Variants in MALRD1 observed in about 807,000 individuals in gnomAD.
MALRD1 encodes the protein MAM and LDL receptor class A domain containing 1.
Under a neutral mutation model 242.1 loss-of-function variants are expected in MALRD1, and 247 were observed. That is an observed-to-expected ratio of 1.02 (90% CI 0.92 to 1.13). The LOEUF (loss-of-function observed/expected upper bound fraction) is 1.13. MALRD1 is among the 50% of genes most tolerant of loss of function. The pLI is 0.00. For synonymous variants in MALRD1, 995 were observed against 866.6 expected, an observed-to-expected ratio of 1.15 and a Z score of -2.60; for missense variants, 2,989 against 2,533.1, an observed-to-expected ratio of 1.18 and a Z score of -3.86.
intron 31 of MALRD1, among the ~76,000 whole-genome samples, chr10:19,520,508 C>G (rs1833831213): frequency 6.6e-6 from 1 of 152,124 alleles, no homozygotes; most frequent in East Asian, 1.9e-4. Context: ...CATACAATAC[C>G]ATCAAAAAAG....
chr10:19,690,832 G>A (rs1237309329), intron 36 of MALRD1, among the ~76,000 whole-genome samples: 1 of 151,966 alleles, frequency 6.6e-6, no homozygotes, highest in African/African-American at 2.4e-5. Flanking sequence ...TAGATAGACA[G>A]ACAGACAGCA....
intron 21 of MALRD1, among the ~76,000 whole-genome samples, chr10:19,317,382 A>G (rs1340650674): frequency 1.3e-5 from 2 of 151,658 alleles, no homozygotes. Flanking sequence ...CAGTGGCCCC[A>G]CTCCTTAATA....
intron 18 of MALRD1, among the ~76,000 whole-genome samples, chr10:19,213,054 G>C (rs1837143615): frequency 6.6e-6 from 1 of 152,002 alleles, no homozygotes; most frequent in Non-Finnish European, 1.5e-5. Flanking sequence ...TCTCTTAATA[G>C]ATTCTTTTGA....
chr10:19,441,789 G>A (rs998536381), intron 28 of MALRD1, among the ~76,000 whole-genome samples: 1 of 150,478 alleles, frequency 6.6e-6, no homozygotes, highest in South Asian at 2.1e-4. Context: ...TTGTTCTTTC[G>A]GCTTAGGATT....
At position 19,564,141 on chromosome 10, in the gene MALRD1, T is replaced by C. The variant is rs977920813; in HGVS notation, c.5479-3361T>C. Among the ~76,000 whole-genome samples, 3 of 152,168 alleles carry C rather than the reference T, an allele frequency of 2.0e-5. No homozygotes were observed. The South Asian group carries it at 6.2e-4, about 32-fold the overall frequency. The stretch of plus-strand genomic sequence containing the variant: ...AGTCTCAGGTATTCCTTTATAGAAA[T>C]GCATGCATGGCTTAATACACCATCT... On this transcript the variant is annotated intron_variant, in intron 32 of 39. Coordinates refer to ENST00000454679, the MANE Select transcript of MALRD1 (RefSeq NM_001142308.3).
chr10:19,478,876 C>G (rs1017465420), intron 29 of MALRD1, among the ~76,000 whole-genome samples: 3 of 152,192 alleles, frequency 2.0e-5, no homozygotes, highest in Non-Finnish European at 4.4e-5. Context: ...GAATGATTTT[C>G]AATGGTTGAG....
chr10:19,376,847 GATA>G (rs1845630457), intron 26 of MALRD1, among the ~76,000 whole-genome samples: 1 of 152,000 alleles, frequency 6.6e-6, no homozygotes, highest in South Asian at 2.1e-4. Context: ...CCTGAGTGCT[GATA>G]CATTATTCTA....
Position 19,595,299 on chromosome 10 carries a change from G to A in MALRD1, c.5786G>A (p.Cys1929Tyr). ...GGGAAATGTGATGGACATGAAGACT[G>A]CATAGATGGATCTGATGAAATGGAT... ...LSGKCDGHED[C>Y]IDGSDEMDCP... Residue 1929 changes from cysteine to tyrosine, a missense_variant, in exon 34 of 40, where the codon TGC becomes TAC. Physicochemically the swap from Cys to Tyr is radical, Grantham distance 194. Transcript: ENST00000454679. 1 of 1,550,818 alleles carries A rather than the reference G, an allele frequency of 6.4e-7. No individual in the cohort carries two copies. Among genetic ancestry groups the A allele is most frequent in the African/African-American group, 1.4e-5 (1 of 73,142 alleles).
At chr10:19,530,365 A>AAATATTATAGAAATATAT (rs1564417011) in intron 31 of MALRD1, among the ~76,000 whole-genome samples, 3 of 105,090 alleles carry the variant, frequency 2.9e-5, no homozygotes, top group African/African-American at 1.9e-4. Flanking sequence ...ATATTTATAT[A>AAATATTATAGAAATATAT]AATATTTATA....
At chr10:19,088,360 C>A (rs916097420) in intron 4 of MALRD1, among the ~76,000 whole-genome samples, 175 bp downstream of exon 4, 1 of 151,778 alleles carries the variant, frequency 6.6e-6, no homozygotes, top group Admixed American at 6.6e-5. Flanking sequence ...GGCTAGTCAC[C>A]CTAAAAGACA....
chr10:19,067,809 C>T (rs991405906), intron 2 of MALRD1, among the ~76,000 whole-genome samples: 10 of 152,042 alleles, frequency 6.6e-5, no homozygotes, highest in Non-Finnish European at 1.0e-4. Context: ...AAACCTGGCA[C>T]TCAAAAATTG....
chr10:19,369,711 T>TAC lies in MALRD1; in HGVS notation c.4441+17430_4441+17431dup, dbSNP rs111861411. The stretch of plus-strand genomic sequence containing the variant: ...ACACATATATTTAAATATATATAAG[T>TAC]ACACACACACACACACATATTCCTC... On this transcript the variant is annotated intron_variant, in intron 26 of 39. Coordinates refer to ENST00000454679, the MANE Select transcript of MALRD1 (RefSeq NM_001142308.3). Among the ~76,000 whole-genome samples, 221 of 149,532 alleles carry TAC rather than the reference T, an allele frequency of 1.5e-3. 1 individual carries two copies. Among genetic ancestry groups the TAC allele is most frequent in the South Asian group, 6.6e-3 (31 of 4,730 alleles).
At chr10:19,257,807 A>C (rs1467478306) in intron 19 of MALRD1, 36 bp downstream of exon 19, 2 of 1,344,340 alleles carry the variant, frequency 1.5e-6, no homozygotes, top group Non-Finnish European at 2.0e-6. Context: ...GTTATTTCTA[A>C]ATCTGTTTAC....
intron 2 of MALRD1, among the ~76,000 whole-genome samples, chr10:19,076,004 C>G (rs1384142238): frequency 6.6e-6 from 1 of 151,998 alleles, no homozygotes; most frequent in Non-Finnish European, 1.5e-5. Context: ...GTCTGGAGAC[C>G]TGGATTCCCC....
At chr10:19,291,213 A>G (rs1841408061) in intron 21 of MALRD1, among the ~76,000 whole-genome samples, 2 of 152,166 alleles carry the variant, frequency 1.3e-5, no homozygotes, top group Admixed American at 6.5e-5. Context: ...CACTTCATTC[A>G]TGTGAAATGA....
rs56317633 is a variant in MALRD1 at position 19,692,298 on chromosome 10, A to C, written c.6154A>C (p.Lys2052Gln). 6.6e-4 allele frequency: 1,007 copies of C among 1,535,054 alleles called. 10 individuals carry two copies. In the African/African-American group the frequency reaches 0.013, roughly 19 times the overall value. ...CCTTTCCAGATGTAGACAAGGCTGG[A>C]AAGGAAATCGATGCCATATCAAGTT... ...GPMCRCRQGWKGNRCHIKFNP... is the reference protein window; with the variant it reads ...GPMCRCRQGWQGNRCHIKFNP... The change falls in exon 37 of 40, where the codon AAA becomes CAA. Residue 2052 changes from lysine (K) to glutamine (Q), a missense_variant. Physicochemically the swap from Lys to Gln is moderately conservative, Grantham distance 53. Transcript: ENST00000454679.
intron 19 of MALRD1, among the ~76,000 whole-genome samples, chr10:19,279,406 T>C (rs1393162692): frequency 6.6e-6 from 1 of 152,214 alleles, no homozygotes; most frequent in Non-Finnish European, 1.5e-5. Flanking sequence ...ATTTAACTTT[T>C]TCTCCACAGC....
At chr10:19,660,569 T>C (rs1841383017) in intron 36 of MALRD1, among the ~76,000 whole-genome samples, 1 of 152,162 alleles carries the variant, frequency 6.6e-6, no homozygotes. Flanking sequence ...ATGCACTACC[T>C]TCACCTTTCT....
At chr10:19,504,081 A>C (rs1236049905) in intron 31 of MALRD1, among the ~76,000 whole-genome samples, 1 of 152,244 alleles carries the variant, frequency 6.6e-6, no homozygotes, top group Non-Finnish European at 1.5e-5. Context: ...GACATATAGT[A>C]TTCAATAAAT....
Sources: allele counts gnomAD v4.1 joint callset (sites outside exome capture counted in the v4.1 genomes callset), GRCh38; gene constraint gnomAD v4.1.1; transcripts MANE v1.5; gene names NCBI Gene and HGNC (gene_info 2026-07-23, HGNC 2026-07-21).